The following DHCR24 variants were observed in gnomAD, a reference collection of about 807,000 sequenced individuals.
DHCR24 encodes 24-dehydrocholesterol reductase.
DHCR24 carries 28 observed loss-of-function variants against 61.2 expected under a neutral mutation model. The ratio of observed to expected loss-of-function variants is 0.46; its 90% CI spans 0.34 to 0.63. The LOEUF (loss-of-function observed/expected upper bound fraction) is 0.63. Among genes scored for constraint, DHCR24 ranks in the 20% least tolerant of loss-of-function variants. The pLI is 0.01. For missense variants in DHCR24, 538 were observed against 679.1 expected (o/e 0.79, Z 2.31); for synonymous variants, 261 against 275.9 (o/e 0.95, Z 0.54).
In DHCR24 at chr1:54,883,442, T is replaced by TC. The variant is rs1461498522; in HGVS notation, c.387+175dup. 6.6e-6 allele frequency among the ~76,000 whole-genome samples: 1 copy of TC among 152,138 alleles called. No individual in the cohort carries two copies. The highest frequency in any genetic ancestry group is 1.5e-5 in the Non-Finnish European group (1 of 68,016). On this transcript the variant is annotated intron_variant, in intron 2 of 8. Coordinates refer to ENST00000371269, the MANE Select transcript of DHCR24 (RefSeq NM_014762.4). This position sits in a 1 kb window ranked among gnomAD's most constrained non-coding sequence, Gnocchi z 4.3. Reference sequence around the variant, plus strand: ...CCCCTGACCTATTATGACCCATCTCTCCCCTGGTGGCTGTGAGGCTTGAGG... The same window carrying TC: ...CCCCTGACCTATTATGACCCATCTCTCCCCCTGGTGGCTGTGAGGCTTGAGG...
chr1:54,869,705 T>C (rs929904768), intron 5 of DHCR24, among the ~76,000 whole-genome samples: 6 of 151,918 alleles, frequency 3.9e-5, no homozygotes, highest in African/African-American at 1.5e-4. Context: ...AGTTCAAGAC[T>C]AGCCTTGGCA....
intron 2 of DHCR24, among the ~76,000 whole-genome samples, chr1:54,880,788 A>G (rs568481533): frequency 3.1e-5 from 4 of 127,182 alleles, no homozygotes; most frequent in Non-Finnish European, 5.0e-5. Flanking sequence ...ATAAACAAAC[A>G]AACAAACAAA....
intron 6 of DHCR24, 23 bp from the exon 7 acceptor site, chr1:54,854,257 G>A: frequency 6.2e-7 from 1 of 1,600,840 alleles, no homozygotes. Context: ...GATTAGGGTT[G>A]GAGAGAAAAA....
At chr1:54,884,729 G>A (rs1483501333) in intron 1 of DHCR24, among the ~76,000 whole-genome samples, 1 of 152,166 alleles carries the variant, frequency 6.6e-6, no homozygotes, top group Non-Finnish European at 1.5e-5. Context: ...ACTGAGGACT[G>A]ATTCTATACT....
intron 6 of DHCR24, among the ~76,000 whole-genome samples, chr1:54,860,937 G>A (rs1243164371): frequency 2.0e-5 from 3 of 151,148 alleles, no homozygotes; most frequent in African/African-American, 7.3e-5. Context: ...GCAGTGAGCC[G>A]AGATCCAGCC....
intron 5 of DHCR24, among the ~76,000 whole-genome samples, chr1:54,867,399 CCCT>C (rs1339117436): frequency 3.9e-5 from 6 of 152,262 alleles, no homozygotes; most frequent in African/African-American, 1.4e-4. Context: ...CAGCCCTGTT[CCCT>C]CAGGTATCAG....
rs772498861 is a variant in DHCR24, at chr1:54,853,471, T to C, written c.1360A>G (p.Met454Val). The C allele has an allele frequency of 3.7e-6, 6 of 1,614,222 alleles. No homozygotes were observed. The highest frequency in any genetic ancestry group is 1.7e-5 in the Admixed American group (1 of 60,032). ...CGGACAAACTTCTCCAGCTGCCTCA[T>C]GCAGGACCTGGCTTCAAAGTGTTTC... is the stretch of plus-strand genomic sequence containing the variant. ...RVKHFEARSC[M>V]RQLEKFVRSV... Residue 454 changes from methionine (M) to valine (V), a missense_variant, in exon 8 of 9, where the codon ATG becomes GTG. Met to Val is a conservative substitution (Grantham distance 21). Transcript: ENST00000371269.
Position 54,886,936 on chromosome 1 carries a change from T to C in DHCR24, c.184A>G (p.Ser62Gly). Reference sequence around the variant, plus strand: ...CGCTGCTCGTGCAGGCGCGGAGCGCTGCTGAGCTTGAACACCACCCAGGCG... The same window carrying C: ...CGCTGCTCGTGCAGGCGCGGAGCGCCGCTGAGCTTGAACACCACCCAGGCG... Reference protein sequence around the residue: ...VRAWVVFKLSSAPRLHEQRVR... With the variant: ...VRAWVVFKLSGAPRLHEQRVR... The change falls in exon 1 of 9, where the codon AGC (serine) becomes GGC (glycine). Residue 62 changes from serine (S) to glycine (G), a missense_variant. Physicochemically the swap from Ser to Gly is moderately conservative, Grantham distance 56. Transcript: ENST00000371269. 6.2e-7 allele frequency: 1 copy of C among 1,613,546 alleles called. No homozygotes were observed. Among genetic ancestry groups the C allele is most frequent in the Non-Finnish European group, 8.5e-7 (1 of 1,179,660 alleles).
intron 4 of DHCR24, among the ~76,000 whole-genome samples, chr1:54,874,346 ACCAT>A (rs1037242333): frequency 1.3e-5 from 2 of 152,208 alleles, no homozygotes; most frequent in Non-Finnish European, 2.9e-5. Flanking sequence ...ACATAGGTGT[ACCAT>A]TCATCTTTTA....
intron 5 of DHCR24, among the ~76,000 whole-genome samples, chr1:54,868,787 G>C (rs1401814506): frequency 6.6e-6 from 1 of 152,170 alleles, no homozygotes; most frequent in Non-Finnish European, 1.5e-5. Context: ...CAAGAAAAAG[G>C]CTGGGTGCAG....
chr1:54,861,987 C>T (rs934177541), intron 6 of DHCR24, among the ~76,000 whole-genome samples: 2 of 152,164 alleles, frequency 1.3e-5, no homozygotes, highest in African/African-American at 4.8e-5. Flanking sequence ...CCATTAGTAG[C>T]AACTGTAGCC....
At chr1:54,866,900 T>G (rs1221319914) in intron 5 of DHCR24, among the ~76,000 whole-genome samples, 1 of 152,210 alleles carries the variant, frequency 6.6e-6, no homozygotes, top group Non-Finnish European at 1.5e-5. Context: ...CCTGCTAATG[T>G]GAACAGGGGA....
In DHCR24 at chr1:54,861,318, C is replaced by T. The variant is rs138120157; in HGVS notation, c.1020+3985G>A. ...CAGATCTGAGGAGCTGTGATAGATTCTGTAGCTTGGAATGCCTAAAATATT... is the reference window on the plus strand; with the variant it reads ...CAGATCTGAGGAGCTGTGATAGATTTTGTAGCTTGGAATGCCTAAAATATT... On this transcript the variant is annotated intron_variant, in intron 6 of 8. Transcript: ENST00000371269. Among the ~76,000 whole-genome samples, 446 of 152,308 alleles carry T rather than the reference C, an allele frequency of 2.9e-3. 2 individuals carry two copies. The highest frequency in any genetic ancestry group is 9.0e-3 in the African/African-American group (376 of 41,548).
At chr1:54,875,687 A>G (rs1647024989) in intron 3 of DHCR24, among the ~76,000 whole-genome samples, 1 of 152,154 alleles carries the variant, frequency 6.6e-6, no homozygotes, top group African/African-American at 2.4e-5. Flanking sequence ...GGGGAATTGG[A>G]GCAATGGGAA....
chr1:54,865,688 C>T (rs57882605), intron 5 of DHCR24, among the ~76,000 whole-genome samples: 15 of 152,228 alleles, frequency 9.9e-5, no homozygotes, highest in African/African-American at 3.4e-4. Flanking sequence ...AGTGAGTCCC[C>T]GACAGTCTAG....
intron 1 of DHCR24, among the ~76,000 whole-genome samples, chr1:54,885,508 AT>A (rs965797239): frequency 2.6e-5 from 4 of 152,214 alleles, no homozygotes; most frequent in African/African-American, 9.6e-5. Flanking sequence ...TTCTAGCCCC[AT>A]TTACTGACTA....
chr1:54,882,926 T>C (rs1165510949), intron 2 of DHCR24, among the ~76,000 whole-genome samples: 3 of 152,070 alleles, frequency 2.0e-5, no homozygotes, highest in Non-Finnish European at 4.4e-5. Flanking sequence ...GGTATGTTTG[T>C]TGTCTTGATT....
chr1:54,858,137 C>T (rs182098597), intron 6 of DHCR24, among the ~76,000 whole-genome samples: 3 of 152,378 alleles, frequency 2.0e-5, no homozygotes, highest in East Asian at 3.9e-4. Context: ...GGATGCTGCG[C>T]GCAGATGCCC....
chr1:54,865,403 T>A lies in DHCR24; in HGVS notation c.920A>T (p.His307Leu). ...GNYYKPWFFK[H>L]VENYLKTNRE... ...GTTTGTCTTCAGATAGTTCTCCACA[T>A]GCTTAAAGAACCACGGCTTGTAGTA... Residue 307 changes from histidine (H) to leucine (L), a missense_variant, in exon 6 of 9, where the codon CAT becomes CTT. Coordinates refer to ENST00000371269, the MANE Select transcript of DHCR24 (RefSeq NM_014762.4). 6.2e-7 allele frequency: 1 copy of A among 1,614,172 alleles called. No individual in the cohort carries two copies. The highest frequency in any genetic ancestry group is 8.5e-7 in the Non-Finnish European group (1 of 1,180,032).
Sources: allele counts gnomAD v4.1 joint callset (sites outside exome capture counted in the v4.1 genomes callset), GRCh38; gene constraint gnomAD v4.1.1; non-coding constraint Gnocchi (gnomAD v3.1); transcripts MANE v1.5; gene names NCBI Gene and HGNC (gene_info 2026-07-23, HGNC 2026-07-21).